The following TENM1 variants were observed in gnomAD, a reference collection of about 807,000 sequenced individuals.
TENM1 encodes teneurin-1.
In TENM1, 35 loss-of-function variants were observed where a neutral mutation model predicts 174.8. The ratio of observed to expected loss-of-function variants is 0.20; its 90% CI spans 0.15 to 0.27. TENM1 has a LOEUF of 0.27. Among genes scored for constraint, TENM1 ranks in the 10% least tolerant of loss-of-function variants. TENM1 has a pLI of 1.00. For missense variants in TENM1, 1,633 were observed against 2,130.1 expected (o/e 0.77, Z 4.59); for synonymous variants, 781 against 798.7 (o/e 0.98, Z 0.37).
intron 4 of TENM1, among the ~76,000 whole-genome samples, chrX:124,723,216 A>G (rs1336692749): frequency 8.9e-6 from 1 of 111,857 alleles, no homozygotes; most frequent in African/African-American, 3.3e-5. Context: ...TTCAAATCCA[A>G]CGTGGTATGT....
At chrX:124,790,535 T>C (rs1014021174) in intron 3 of TENM1, among the ~76,000 whole-genome samples, 4 of 111,922 alleles carry the variant, frequency 3.6e-5, no homozygotes, top group African/African-American at 9.7e-5. Context: ...TACACTCTCA[T>C]TTTCTCCAAG....
At chrX:124,952,636 T>G (rs924785160) in intron 1 of TENM1, among the ~76,000 whole-genome samples, 1 of 111,537 alleles carries the variant, frequency 9.0e-6, no homozygotes, top group African/African-American at 3.3e-5. Flanking sequence ...ATAATTGGAC[T>G]TTAGTAGTGA....
intron 5 of TENM1, among the ~76,000 whole-genome samples, chrX:124,685,272 G>C (rs1407186363): frequency 9.0e-6 from 1 of 111,491 alleles, no homozygotes; most frequent in Non-Finnish European, 1.9e-5. Context: ...TACAAGTTCA[G>C]TGAGCTACAA....
intron 3 of TENM1, among the ~76,000 whole-genome samples, chrX:124,886,332 A>G (rs189370416): frequency 9.1e-6 from 1 of 110,109 alleles, no homozygotes; most frequent in African/African-American, 3.3e-5. Flanking sequence ...TACTGTATTT[A>G]ACTTCTACAT....
At chrX:124,480,943 C>G (rs2046828758) in intron 22 of TENM1, among the ~76,000 whole-genome samples, 1 of 111,315 alleles carries the variant, frequency 9.0e-6, no homozygotes, top group South Asian at 3.8e-4. Flanking sequence ...GTTGACTATC[C>G]TTCAACTTTG....
At chrX:124,400,409 C>A (rs1207808993) in intron 27 of TENM1, among the ~76,000 whole-genome samples, 2 of 112,030 alleles carry the variant, frequency 1.8e-5, no homozygotes, top group Admixed American at 1.9e-4. Context: ...TCTCAGCTCA[C>A]ATCTGAACAC....
intron 27 of TENM1, among the ~76,000 whole-genome samples, chrX:124,395,961 G>T (rs2060328485): frequency 1.8e-5 from 2 of 111,800 alleles, no homozygotes; most frequent in South Asian, 7.6e-4. Context: ...TACTACTCAA[G>T]AACACATTTC....
At chrX:124,665,232 C>T (rs1166342034) in intron 6 of TENM1, among the ~76,000 whole-genome samples, 3 of 111,079 alleles carry the variant, frequency 2.7e-5, no homozygotes, top group East Asian at 2.9e-4. Flanking sequence ...CCTAGCTACT[C>T]GGGAGGCTGA....
intron 22 of TENM1, among the ~76,000 whole-genome samples, chrX:124,480,536 A>G (rs570998857): frequency 8.9e-6 from 1 of 112,617 alleles, no homozygotes; most frequent in African/African-American, 3.2e-5. Context: ...GTTACAGAAC[A>G]GCGTTGTATA....
intron 23 of TENM1, among the ~76,000 whole-genome samples, chrX:124,441,934 T>C (rs955706084): frequency 8.9e-6 from 1 of 112,535 alleles, no homozygotes; most frequent in East Asian, 2.8e-4. Flanking sequence ...CTGGGCCTCA[T>C]TAATTTGCTG....
At chrX:124,875,963 T>TTATATATATATA (rs771315006) in intron 3 of TENM1, among the ~76,000 whole-genome samples, 6 of 105,492 alleles carry the variant, frequency 5.7e-5, no homozygotes, top group African/African-American at 2.1e-4. Context: ...TTCTAAGAAA[T>TTATATATATATA]TATATATATA....
chrX:124,704,606 C>T lies in TENM1; in HGVS notation c.1015+407G>A, dbSNP rs996765950. 3.6e-5 allele frequency among the ~76,000 whole-genome samples: 4 copies of T among 111,752 alleles called. No homozygotes were observed. The South Asian group carries it at 1.5e-3, about 42-fold the overall frequency. On this transcript the variant is annotated intron_variant, in intron 5 of 31. Transcript: ENST00000422452. ...AATTATGTACTGAATTTTCTGATAG[C>T]TTCCAAATAACTGGGGCTTTAATGA...
the TENM1 span, among the ~76,000 whole-genome samples, chrX:125,202,620 G>T: frequency 9.0e-6 from 1 of 110,932 alleles, no homozygotes; most frequent in African/African-American, 3.3e-5. Flanking sequence ...CGAAGCTGCC[G>T]ACGGCGAGTA....
chrX:124,654,614 T>G (rs1384662159), intron 6 of TENM1, among the ~76,000 whole-genome samples: 1 of 110,586 alleles, frequency 9.0e-6, no homozygotes, highest in African/African-American at 3.3e-5. Context: ...AAAGCTAAGG[T>G]GTAGGGTATG....
At chrX:124,652,248 G>T (rs932048749) in intron 7 of TENM1, 124 bp from the exon 11 acceptor site, 1 of 886,207 alleles carries the variant, frequency 1.1e-6, no homozygotes, top group East Asian at 3.4e-5. Flanking sequence ...GGAAGAGGAG[G>T]TTATCAATTT....
chrX:124,402,029 CA>C (rs2060406334), intron 27 of TENM1, among the ~76,000 whole-genome samples: 1 of 112,118 alleles, frequency 8.9e-6, no homozygotes, highest in East Asian at 2.8e-4. Flanking sequence ...AACAAGGCAG[CA>C]CAGTGTGATG....
At chrX:124,522,147 C>G (rs1432302212) in intron 17 of TENM1, among the ~76,000 whole-genome samples, 4 of 111,550 alleles carry the variant, frequency 3.6e-5, no homozygotes, top group Non-Finnish European at 7.5e-5. Flanking sequence ...GTTTTTTCTC[C>G]CTTTGTAAGC....
the TENM1 span, among the ~76,000 whole-genome samples, chrX:125,043,312 T>A: frequency 1.2e-4 from 1 of 8,428 alleles, no homozygotes; most frequent in Non-Finnish European, 2.1e-4. Flanking sequence ...TCAAACAAAT[T>A]TACAAGAAAA....
At chrX:124,403,923 T>G (rs2060430975) in intron 27 of TENM1, among the ~76,000 whole-genome samples, 1 of 110,915 alleles carries the variant, frequency 9.0e-6, no homozygotes, top group African/African-American at 3.3e-5. Context: ...TCTCTTTAAA[T>G]TAGCCAATCG....
Sources: allele counts gnomAD v4.1 joint callset (sites outside exome capture counted in the v4.1 genomes callset), GRCh38; gene constraint gnomAD v4.1.1; transcripts MANE v1.5; gene names NCBI Gene and HGNC (gene_info 2026-07-23, HGNC 2026-07-21).